The following CEP85L variants were observed in gnomAD, a reference collection of about 807,000 sequenced individuals.
The protein encoded by CEP85L is centrosomal protein 85L.
Under a neutral mutation model 100.3 loss-of-function variants are expected in CEP85L, and 60 were observed. The observed-to-expected ratio is 0.60, with a 90% confidence interval of 0.49 to 0.74. CEP85L has a LOEUF of 0.74. Ranked by LOEUF, CEP85L falls within the 30% of genes least tolerant of loss-of-function variation. CEP85L has a pLI of 0.00. For missense variants in CEP85L, 973 were observed against 936.2 expected (o/e 1.04, Z -0.51); for synonymous variants, 319 against 322.7 (o/e 0.99, Z 0.12).
At chr6:118,492,634 C>T (rs1205261564) in intron 5 of CEP85L, among the ~76,000 whole-genome samples, 1 of 152,080 alleles carries the variant, frequency 6.6e-6, no homozygotes. Context: ...AAGATATCAA[C>T]AAAGTACTGT....
chr6:118,495,565 C>G (rs1421157542), intron 5 of CEP85L, among the ~76,000 whole-genome samples: 1 of 152,136 alleles, frequency 6.6e-6, no homozygotes, highest in African/African-American at 2.4e-5. Flanking sequence ...GAGGCCTCCC[C>G]AGTCACGCGG....
At chr6:118,521,227 T>C (rs1776648588) in intron 4 of CEP85L, among the ~76,000 whole-genome samples, 1 of 152,204 alleles carries the variant, frequency 6.6e-6, no homozygotes. Context: ...ACATGTGCCA[T>C]CAACATTTTA....
At chr6:118,652,345 G>A, upstream of CEP85L, 2 of 995,074 alleles carry the variant, frequency 2.0e-6, no homozygotes, top group Non-Finnish European at 2.4e-6. Context: ...CTTAGTGCAG[G>A]AGGAGACGTC....
intron 10 of CEP85L, among the ~76,000 whole-genome samples, chr6:118,478,511 T>C (rs1239180335): frequency 6.6e-6 from 1 of 152,026 alleles, no homozygotes; most frequent in Non-Finnish European, 1.5e-5. Context: ...ATGGTCAGAA[T>C]GGGCAAATGA....
intron 2 of CEP85L, among the ~76,000 whole-genome samples, chr6:118,629,996 A>G (rs1429408998): frequency 1.3e-5 from 2 of 152,048 alleles, no homozygotes; most frequent in Admixed American, 1.3e-4. Flanking sequence ...GGCCACAAAG[A>G]TTTTCTTCTT....
intron 1 of CEP85L, among the ~76,000 whole-genome samples, chr6:118,697,515 T>C (rs1562364688): frequency 6.6e-6 from 1 of 152,184 alleles, no homozygotes; most frequent in Non-Finnish European, 1.5e-5. Context: ...TGGGACTGAG[T>C]GGAACTGAGT....
chr6:118,504,608 T>C (rs561537774), intron 5 of CEP85L, among the ~76,000 whole-genome samples: 1 of 152,244 alleles, frequency 6.6e-6, no homozygotes, highest in South Asian at 2.1e-4. Context: ...TTATAACAAA[T>C]GGGTTAAGTG....
At chr6:118,485,565 T>C (rs927444975) in intron 6 of CEP85L, among the ~76,000 whole-genome samples, 4 of 152,224 alleles carry the variant, frequency 2.6e-5, no homozygotes, top group Non-Finnish European at 4.4e-5. Flanking sequence ...GTTTACCCTG[T>C]GATCTATCAG....
At chr6:118,691,545 A>AG (rs1464520281) in intron 1 of CEP85L, among the ~76,000 whole-genome samples, 2 of 150,476 alleles carry the variant, frequency 1.3e-5, no homozygotes, top group Non-Finnish European at 3.0e-5. Context: ...AAAAAAAAAA[A>AG]AAAAGAAAGA....
intron 1 of CEP85L, among the ~76,000 whole-genome samples, chr6:118,639,180 A>G (rs549998465): frequency 1.3e-5 from 2 of 152,342 alleles, no homozygotes; most frequent in South Asian, 2.1e-4. Context: ...CTTATATTAC[A>G]TAAGTAGCAC....
intron 1 of CEP85L, among the ~76,000 whole-genome samples, chr6:118,661,742 CAAT>C (rs1470321201): frequency 6.6e-6 from 1 of 151,706 alleles, no homozygotes; most frequent in Non-Finnish European, 1.5e-5. Context: ...TTTTATAGAA[CAAT>C]AAAATATTTT....
chr6:118,690,869 C>T (rs1480740667), intron 1 of CEP85L, among the ~76,000 whole-genome samples: 1 of 151,920 alleles, frequency 6.6e-6, no homozygotes, highest in African/African-American at 2.4e-5. Context: ...ATAGTGGTGA[C>T]TCTCTGTGGT....
intron 3 of CEP85L, 81 bp downstream of exon 3, chr6:118,565,448 T>C (rs1779443028): frequency 1.5e-6 from 2 of 1,306,622 alleles, no homozygotes; most frequent in African/African-American, 1.5e-5. Context: ...CTGTGAACAC[T>C]TGTTATATGC....
At chr6:118,519,380 A>G (rs1441791206) in intron 4 of CEP85L, among the ~76,000 whole-genome samples, 1 of 146,954 alleles carries the variant, frequency 6.8e-6, no homozygotes, top group Non-Finnish European at 1.5e-5. Context: ...CGGAGGTTGC[A>G]GTGAGCCAAG....
At position 118,566,136 on chromosome 6, in the gene CEP85L, C is replaced by A; in HGVS notation, c.413G>T (p.Arg138Met). ...SLMQTLGNHSRGEQDSSLDMK... is the reference protein window; with the variant it reads ...SLMQTLGNHSMGEQDSSLDMK... ...GTCTAGGGAAGAGTCCTGCTCCCCC[C>A]TACTGTGGTTTCCCAATGTTTGCAT... Residue 138 changes from arginine (R) to methionine (M), a missense_variant, in exon 3 of 13, where the codon AGG (arginine) becomes ATG (methionine). Coordinates refer to ENST00000368491, the MANE Select transcript of CEP85L (RefSeq NM_001042475.3). 6.2e-7 allele frequency: 1 copy of A among 1,614,184 alleles called. No individual in the cohort carries two copies. Among genetic ancestry groups the A allele is most frequent in the Non-Finnish European group, 8.5e-7 (1 of 1,180,022 alleles).
At chr6:118,685,829 G>A (rs1776810424) in intron 1 of CEP85L, among the ~76,000 whole-genome samples, 1 of 152,206 alleles carries the variant, frequency 6.6e-6, no homozygotes, top group Admixed American at 6.5e-5. Context: ...GAGGAAAAAG[G>A]TAGTAAAAAA....
chr6:118,583,982 C>G (rs149850748), intron 2 of CEP85L, among the ~76,000 whole-genome samples: 1 of 152,198 alleles, frequency 6.6e-6, no homozygotes, highest in Non-Finnish European at 1.5e-5. Context: ...ACTGTCAATA[C>G]CGGTTTGCCT....
intron 3 of CEP85L, among the ~76,000 whole-genome samples, chr6:118,533,528 T>C (rs1026693996): frequency 2.0e-5 from 3 of 152,088 alleles, no homozygotes; most frequent in African/African-American, 7.2e-5. Flanking sequence ...TTCTACCAAA[T>C]GTTTAAAGAA....
intron 10 of CEP85L, 115 bp downstream of exon 10, chr6:118,479,755 CT>C: frequency 4.1e-6 from 2 of 489,632 alleles, no homozygotes; most frequent in Non-Finnish European, 7.1e-6. Context: ...TACCTCAGTG[CT>C]ATAAATATTA....
Sources: allele counts gnomAD v4.1 joint callset (sites outside exome capture counted in the v4.1 genomes callset), GRCh38; gene constraint gnomAD v4.1.1; transcripts MANE v1.5; gene names NCBI Gene and HGNC (gene_info 2026-07-23, HGNC 2026-07-21).